The following CCDC172 variants were observed in gnomAD, a reference collection of about 807,000 sequenced individuals.
The protein encoded by CCDC172 is coiled-coil domain containing 172.
In CCDC172, 30 loss-of-function variants were observed where a neutral mutation model predicts 38.0. The observed-to-expected ratio is 0.79, with a 90% CI of 0.59 to 1.07. The LOEUF (loss-of-function observed/expected upper bound fraction) is 1.07. Among genes scored for constraint, CCDC172 ranks in the 50% least tolerant of loss-of-function variants. The pLI is 0.00. For synonymous variants in CCDC172, 78 were observed against 88.3 expected (o/e 0.88, Z 0.66); for missense variants, 297 against 290.1 (o/e 1.02, Z -0.17).
At chr10:116,374,942 G>A (rs1242764853) in intron 7 of CCDC172, among the ~76,000 whole-genome samples, 1 of 150,988 alleles carries the variant, frequency 6.6e-6, no homozygotes, top group Non-Finnish European at 1.5e-5. Context: ...CGGTCTGGAA[G>A]TTCTAGTTTC....
At chr10:116,332,599 T>C (rs1308178391) in intron 3 of CCDC172, among the ~76,000 whole-genome samples, 1 of 152,178 alleles carries the variant, frequency 6.6e-6, no homozygotes, top group East Asian at 1.9e-4. Flanking sequence ...TTCTGAAATT[T>C]ATTAATGCAG....
chr10:116,332,613 A>G (rs1844678564), intron 3 of CCDC172, among the ~76,000 whole-genome samples: 1 of 152,174 alleles, frequency 6.6e-6, no homozygotes, highest in South Asian at 2.1e-4. Context: ...AATGCAGAAG[A>G]GAAGTATTGA....
chr10:116,372,844 A>G (rs563253098), intron 7 of CCDC172, among the ~76,000 whole-genome samples: 17 of 152,196 alleles, frequency 1.1e-4, no homozygotes, highest in Non-Finnish European at 2.4e-4. Context: ...AAGACTTCTC[A>G]TCAGAAATCA....
intron 5 of CCDC172, among the ~76,000 whole-genome samples, chr10:116,348,985 C>T (rs1029459353): frequency 2.4e-4 from 36 of 152,234 alleles, no homozygotes; most frequent in African/African-American, 7.0e-4. Context: ...TCTGTATTTA[C>T]AGCAACTCCC....
intron 5 of CCDC172, among the ~76,000 whole-genome samples, chr10:116,357,003 T>A (rs1437182361): frequency 6.6e-6 from 1 of 152,102 alleles, no homozygotes; most frequent in Non-Finnish European, 1.5e-5. Context: ...GCTGCTTAGA[T>A]TTTTACTACA....
At chr10:116,331,132 A>AT (rs1283796776) in intron 3 of CCDC172, among the ~76,000 whole-genome samples, 3 of 152,122 alleles carry the variant, frequency 2.0e-5, no homozygotes, top group Non-Finnish European at 2.9e-5. Flanking sequence ...TTGGAAAGTC[A>AT]TTTTTCAATA....
chr10:116,328,206 C>G (rs780974784), intron 3 of CCDC172, among the ~76,000 whole-genome samples: 79 of 151,970 alleles, frequency 5.2e-4, no homozygotes, highest in Admixed American at 9.2e-4. Context: ...CTCAATGAGT[C>G]TTTTAAAATA....
chr10:116,340,664 C>CT, intron 3 of CCDC172, 70 bp from the exon 4 acceptor site: 1 of 736,752 alleles, frequency 1.4e-6, no homozygotes, highest in Non-Finnish European at 2.3e-6. Flanking sequence ...CAAATCTTCT[C>CT]TGTTACCTAA....
chr10:116,333,632 C>T lies in CCDC172; in HGVS notation c.166-7102C>T, dbSNP rs574351918. On this transcript the variant is annotated intron_variant, in intron 3 of 8. Transcript: ENST00000333254. ...AAGTTATCTTACTTTAAAGTTGCTC[C>T]CCAGGAAGAGTCTTTCAGATTAAAA... 2.0e-4 allele frequency among the ~76,000 whole-genome samples: 30 copies of T among 152,166 alleles called. No homozygotes were observed. In the South Asian group the frequency reaches 3.7e-3, roughly 19 times the overall value.
chr10:116,344,795 A>C (rs1051206041), intron 5 of CCDC172, among the ~76,000 whole-genome samples: 7 of 152,130 alleles, frequency 4.6e-5, no homozygotes, highest in Middle Eastern at 3.4e-3. Flanking sequence ...AATATACAAA[A>C]AATTTTTTTC....
chr10:116,362,730 A>G (rs931166090), intron 7 of CCDC172, among the ~76,000 whole-genome samples: 1 of 152,174 alleles, frequency 6.6e-6, no homozygotes, highest in Non-Finnish European at 1.5e-5. Context: ...TTTAACATTT[A>G]TAAAATATGA....
rs986317219 is a variant in CCDC172, at chr10:116,378,279, G to A, written c.654-144G>A. 12 of 826,210 alleles carry A rather than the reference G, an allele frequency of 1.5e-5. No homozygotes were observed. In the African/African-American group the frequency reaches 2.0e-4, roughly 14 times the overall value. The allele number at this position is 826,210 out of a possible 1,614,324, so 51.2% of individuals were successfully genotyped here. A position where few individuals can be genotyped will look rare whatever the true frequency, so the allele number is the denominator to read the frequency against. On this transcript the variant is annotated intron_variant, in intron 7 of 8. Coordinates refer to ENST00000333254, the MANE Select transcript of CCDC172 (RefSeq NM_198515.3). ...CGCAAAATTTTATATAGTCTTTATGGAATTATAGATAATTAAAATATGCCA... is the reference window on the plus strand; with the variant it reads ...CGCAAAATTTTATATAGTCTTTATGAAATTATAGATAATTAAAATATGCCA...
At chr10:116,341,075 TA>T (rs1254504449) in intron 4 of CCDC172, among the ~76,000 whole-genome samples, 1 of 151,980 alleles carries the variant, frequency 6.6e-6, no homozygotes, top group East Asian at 1.9e-4. Context: ...TCAGTTGTAA[TA>T]AGCACAAAAG....
intron 7 of CCDC172, among the ~76,000 whole-genome samples, chr10:116,366,150 T>C (rs892909004): frequency 2.6e-5 from 4 of 152,138 alleles, no homozygotes; most frequent in Non-Finnish European, 5.9e-5. Flanking sequence ...TTCTAAAGTA[T>C]ACTAATATAA....
intron 5 of CCDC172, among the ~76,000 whole-genome samples, chr10:116,353,553 A>T (rs910015004): frequency 2.0e-5 from 3 of 152,192 alleles, no homozygotes; most frequent in African/African-American, 7.2e-5. Flanking sequence ...CAATTTAAAA[A>T]TGGACAAAGG....
chr10:116,365,390 C>T (rs1845111468), intron 7 of CCDC172, among the ~76,000 whole-genome samples: 2 of 152,130 alleles, frequency 1.3e-5, no homozygotes, highest in Non-Finnish European at 2.9e-5. Flanking sequence ...CATACAGAAC[C>T]TGTAGTCCAT....
intron 5 of CCDC172, among the ~76,000 whole-genome samples, chr10:116,343,576 G>A (rs771208303): frequency 7.0e-6 from 1 of 143,670 alleles, no homozygotes; most frequent in African/African-American, 2.6e-5. Context: ...CAATTGTCCT[G>A]TGCCTGCTTC....
intron 5 of CCDC172, among the ~76,000 whole-genome samples, chr10:116,343,530 TTTAAAA>T (rs1844826135): frequency 2.8e-5 from 4 of 144,380 alleles, no homozygotes; most frequent in African/African-American, 8.3e-5. Flanking sequence ...TTTTTTTTTT[TTTAAAA>T]AAATATATAT....
intron 7 of CCDC172, among the ~76,000 whole-genome samples, chr10:116,358,613 C>T (rs1025629854): frequency 6.6e-6 from 1 of 152,138 alleles, no homozygotes; most frequent in African/African-American, 2.4e-5. Flanking sequence ...CCTTCTTTCA[C>T]ATAAATCGTA....
Sources: allele counts gnomAD v4.1 joint callset (sites outside exome capture counted in the v4.1 genomes callset), GRCh38; gene constraint gnomAD v4.1.1; transcripts MANE v1.5; gene names NCBI Gene and HGNC (gene_info 2026-07-23, HGNC 2026-07-21).